The following C11orf65 variants were observed in gnomAD, a reference collection of about 807,000 sequenced individuals.
C11orf65 encodes the protein protein MFI.
Under a neutral mutation model 35.3 loss-of-function variants are expected in C11orf65, and 38 were observed. The observed-to-expected ratio is 1.08, with a 90% CI of 0.83 to 1.41. C11orf65 has a LOEUF of 1.41. Ranked by LOEUF, C11orf65 falls within the 40% of genes most tolerant of loss-of-function variation. The pLI is 0.00. For synonymous variants in C11orf65, 105 were observed against 114.4 expected (o/e 0.92, Z 0.53); for missense variants, 370 against 367.1 (o/e 1.01, Z -0.06).
intron 2 of C11orf65, among the ~76,000 whole-genome samples, chr11:108,349,112 G>A (rs1054214923): frequency 6.6e-6 from 1 of 152,172 alleles, no homozygotes; most frequent in Non-Finnish European, 1.5e-5. Context: ...CCTTGGAAAG[G>A]CTGAGCCAGA....
Position 108,383,094 on chromosome 11 carries a change from T to C in C11orf65, c.869A>G (p.Asp290Gly), listed in dbSNP as rs1048189023. Residue 290 changes from aspartate (D) to glycine (G), a missense_variant, in exon 9 of 9, where the codon GAT becomes GGT. Coordinates refer to ENST00000393084, the MANE Select transcript of C11orf65 (RefSeq NM_152587.5). ...ISKMQMGIPD[D>G]TYYENVYQEP... The stretch of plus-strand genomic sequence containing the variant: ...TTGATAAACATTTTCATAGTAAGTA[T>C]CATCTGGTATTCCCATTTGCATCTT... 7 of 1,611,922 alleles carry C rather than the reference T, an allele frequency of 4.3e-6. No individual in the cohort carries two copies. The highest frequency in any genetic ancestry group is 2.2e-5 in the East Asian group (1 of 44,820).
At position 108,335,974 on chromosome 11, in the gene C11orf65, A is replaced by T. The variant is rs1400036072; in HGVS notation, c.227-682T>A. The T allele has an allele frequency of 6.3e-7, 1 of 1,584,762 alleles. No homozygotes were observed. The highest frequency in any genetic ancestry group is 1.7e-5 in the Admixed American group (1 of 59,930). ...CTGTACTTATAAGGTAACTATTTGT[A>T]CTTCTGTTAGTTCACCAAAAACATA... On this transcript the variant is annotated intron_variant, in intron 2 of 3. Coordinates refer to the C11orf65 transcript ENST00000524755.
intron 2 of C11orf65, among the ~76,000 whole-genome samples, chr11:108,458,255 C>G (rs549981568): frequency 6.7e-6 from 1 of 150,086 alleles, no homozygotes; most frequent in East Asian, 2.0e-4. Context: ...GCCGGTATCC[C>G]ACCTACTCGG....
intron 6 of C11orf65, chr11:108,316,128 A>G (rs746410206): frequency 6.2e-7 from 1 of 1,610,254 alleles, no homozygotes; most frequent in Non-Finnish European, 8.5e-7. Context: ...ATTTTTTCCC[A>G]GATTTGGTAA....
intron 7 of C11orf65, among the ~76,000 whole-genome samples, chr11:108,387,144 CTTTCTTTTTT>C (rs1298952233): frequency 9.9e-6 from 1 of 101,054 alleles, no homozygotes; most frequent in Non-Finnish European, 2.1e-5. Flanking sequence ...TCTTTTCTTT[CTTTCTTTTTT>C]TTTTTTTTTT....
At chr11:108,447,821 CTTCAAAAAATTAATGAA>C (rs1409825979) in intron 2 of C11orf65, among the ~76,000 whole-genome samples, 1 of 152,052 alleles carries the variant, frequency 6.6e-6, no homozygotes, top group African/African-American at 2.4e-5. Context: ...ACAAAAAACG[CTTCAAAAAATTAATGAA>C]TTCAGGAGCT....
At chr11:108,356,901 C>T (rs1240187751) in intron 2 of C11orf65, among the ~76,000 whole-genome samples, 1 of 152,220 alleles carries the variant, frequency 6.6e-6, no homozygotes, top group African/African-American at 2.4e-5. Context: ...TCTCCACCTA[C>T]AATAACTGTC....
chr11:108,401,669 T>A (rs1418522591), intron 6 of C11orf65, among the ~76,000 whole-genome samples: 1 of 152,084 alleles, frequency 6.6e-6, no homozygotes, highest in African/African-American at 2.4e-5. Context: ...GCTTAAAAGG[T>A]AACTTAACTC....
chr11:108,345,880 T>C lies in C11orf65; in HGVS notation c.227-10588A>G, dbSNP rs779394254. ...TTTGGTTTGAGAAGCGATTGGCTTA[T>C]ACGCGCAGTGTAGCTACTTCTTCTA... On this transcript the variant is annotated intron_variant, in intron 2 of 3. Coordinates refer to the C11orf65 transcript ENST00000524755. 6 of 1,613,858 alleles carry C rather than the reference T, an allele frequency of 3.7e-6. No homozygotes were observed. Among genetic ancestry groups the C allele is most frequent in the South Asian group, 1.1e-5 (1 of 91,074 alleles).
intron 2 of C11orf65, among the ~76,000 whole-genome samples, chr11:108,350,950 T>A (rs2089131454): frequency 6.6e-6 from 1 of 152,198 alleles, no homozygotes; most frequent in Admixed American, 6.5e-5. Context: ...AATGCATACA[T>A]ATGTATAAAA....
In C11orf65 at chr11:108,460,113, C is replaced by A. The variant is rs189594625; in HGVS notation, c.81+1366G>T. 2.0e-4 allele frequency among the ~76,000 whole-genome samples: 31 copies of A among 152,162 alleles called. No homozygotes were observed. In the East Asian group the frequency reaches 5.4e-3, roughly 27 times the overall value. On this transcript the variant is annotated intron_variant, in intron 2 of 8. Transcript: ENST00000393084. ...GTGAGATCCCTGTATCTTAAAAAAACACATATTATTTTAGTGTTAGAAATC... is the reference window on the plus strand; with the variant it reads ...GTGAGATCCCTGTATCTTAAAAAAAAACATATTATTTTAGTGTTAGAAATC...
intron 3 of C11orf65, 143 bp downstream of exon 3, chr11:108,431,603 T>C (rs1015345249): frequency 2.1e-4 from 88 of 412,756 alleles, no homozygotes; most frequent in Non-Finnish European, 3.2e-4. Context: ...GCTATATATG[T>C]TTTATGAACT....
At chr11:108,308,913 A>G (rs1042463398) in exon 7 of C11orf65, 4 of 991,132 alleles carry the variant, frequency 4.0e-6, no homozygotes, top group South Asian at 1.4e-5. Context: ...TGTAGTGGAG[A>G]GCATTTGTTT....
At chr11:108,370,939 A>G (rs1053098437) in intron 2 of C11orf65, among the ~76,000 whole-genome samples, 4 of 152,154 alleles carry the variant, frequency 2.6e-5, no homozygotes, top group African/African-American at 9.7e-5. Context: ...TGTTTTCCCA[A>G]ATTTTGAATC....
chr11:108,404,477 T>C (rs979864709), intron 6 of C11orf65, among the ~76,000 whole-genome samples: 2 of 152,022 alleles, frequency 1.3e-5, no homozygotes, highest in Non-Finnish European at 2.9e-5. Flanking sequence ...GTGCGATCTC[T>C]GCTCACTGCA....
At chr11:108,347,114 T>C (rs2088514649) in intron 2 of C11orf65, among the ~76,000 whole-genome samples, 1 of 152,232 alleles carries the variant, frequency 6.6e-6, no homozygotes, top group Admixed American at 6.5e-5. Flanking sequence ...TGGCAAGATT[T>C]GAGTTAAACT....
Position 108,366,023 on chromosome 11 carries a change from C to T in C11orf65, c.226+27185G>A, listed in dbSNP as rs570607598. 2.0e-4 allele frequency: 29 copies of T among 146,196 alleles called. No homozygotes were observed. In the East Asian group the frequency reaches 3.0e-3, roughly 15 times the overall value. 9.1% of individuals were successfully genotyped at this position (146,196 alleles called of 1,614,324 possible). A position where few individuals can be genotyped will look rare whatever the true frequency, so the allele number is the denominator to read the frequency against. On this transcript the variant is annotated intron_variant, in intron 2 of 3. Coordinates refer to the C11orf65 transcript ENST00000524755. ...CAGCCTGGGTGACAAGAGCGAAACT[C>T]CATCTCAAAAAAAAAAAAAAAAAAA...
downstream of C11orf65, among the ~76,000 whole-genome samples, chr11:108,329,857 TATC>T (rs55677322): frequency 0.012 from 1,884 of 152,348 alleles, 49 homozygotes; most frequent in African/African-American, 0.042. Flanking sequence ...TGTTTGTTGG[TATC>T]ATAGTGGAAA....
At chr11:108,384,618 C>T (rs2091946634) in intron 8 of C11orf65, among the ~76,000 whole-genome samples, 1 of 151,970 alleles carries the variant, frequency 6.6e-6, no homozygotes, top group African/African-American at 2.4e-5. Flanking sequence ...GACAAAAATA[C>T]AAAAATTAGC....
Sources: allele counts gnomAD v4.1 joint callset (sites outside exome capture counted in the v4.1 genomes callset), GRCh38; gene constraint gnomAD v4.1.1; transcripts MANE v1.5; gene names NCBI Gene and HGNC (gene_info 2026-07-23, HGNC 2026-07-21).